The following DGKD variants were observed in gnomAD, a reference collection of about 807,000 sequenced individuals.
DGKD encodes the protein diacylglycerol kinase delta, also known as DAG kinase delta.
DGKD carries 68 observed loss-of-function variants against 154.4 expected under a neutral mutation model. That is an observed-to-expected ratio of 0.44 (90% confidence interval 0.36 to 0.54). The LOEUF is 0.54. DGKD is among the 20% of genes least tolerant of loss of function. DGKD has a pLI of 0.00. For missense variants in DGKD, 1,343 were observed against 1,593.6 expected (o/e 0.84, Z 2.68); for synonymous variants, 693 against 638.0 (o/e 1.09, Z -1.30).
At chr2:233,388,228 A>G in intron 1 of DGKD, 29 bp from the exon 2 acceptor site, 5 of 1,598,708 alleles carry the variant, frequency 3.1e-6, no homozygotes, top group Non-Finnish European at 4.3e-6. Flanking sequence ...TGAAAACGCA[A>G]GTTTATGAAT....
chr2:233,467,116 C>A lies in DGKD; in HGVS notation c.3337C>A (p.Arg1113Ser). ...GATGCTGGATCTTGCCAAGCGCAGT[C>A]GCAGTGGTAAATTCCGCCTCGTGAC... ...SVMLDLAKRS[R>S]SGKFRLVTKF... The change falls in exon 28 of 30, where the codon CGC (arginine) becomes AGC (serine). Residue 1113 changes from arginine to serine, a missense_variant. Arg to Ser is a moderately radical substitution (Grantham distance 110). Around this residue, in one of 6 missense-constraint regions of DGKD, gnomAD observed 429 missense variants for 496.3 expected, o/e 0.86. Coordinates refer to ENST00000264057, the MANE Select transcript of DGKD (RefSeq NM_152879.3). The A allele has an allele frequency of 1.2e-6, 2 of 1,614,122 alleles. No individual in the cohort carries two copies. Among genetic ancestry groups the A allele is most frequent in the Non-Finnish European group, 1.7e-6 (2 of 1,179,966 alleles).
chr2:233,362,366 T>C (rs565317000), intron 1 of DGKD, among the ~76,000 whole-genome samples: 5 of 152,242 alleles, frequency 3.3e-5, no homozygotes, highest in African/African-American at 9.6e-5. Context: ...GAAAAGATAA[T>C]GTGGCCAGGT....
Position 233,449,173 on chromosome 2 carries a change from C to G in DGKD, c.1685C>G (p.Ser562Cys). The G allele has an allele frequency of 1.2e-6, 2 of 1,613,696 alleles. No individual in the cohort carries two copies. The highest frequency in any genetic ancestry group is 1.7e-6 in the Non-Finnish European group (2 of 1,179,886). Residue 562 changes from serine to cysteine, a missense_variant, in exon 15 of 30, where the codon TCT (serine) becomes TGT (cysteine). By Grantham distance (112) the Ser-to-Cys change is moderately radical. This residue lies in a region of DGKD where 409 missense variants were observed against 446.0 expected (regional missense o/e 0.92). Coordinates refer to ENST00000264057, the MANE Select transcript of DGKD (RefSeq NM_152879.3). The surrounding 1 kb of genome is among the most constrained non-coding windows in gnomAD (Gnocchi z 5.3). ...TLDDESQASSSLPNPPPTIAE... is the reference protein window; with the variant it reads ...TLDDESQASSCLPNPPPTIAE... The stretch of plus-strand genomic sequence containing the variant: ...GACGATGAGTCCCAGGCCTCGTCCT[C>G]TCTGCCCAACCCGCCCCCCACCATT...
intron 3 of DGKD, among the ~76,000 whole-genome samples, chr2:233,405,189 G>A (rs937617251): frequency 6.6e-6 from 1 of 152,234 alleles, no homozygotes; most frequent in Non-Finnish European, 1.5e-5. Flanking sequence ...GGAAACTGAA[G>A]CGCCAGTGCA....
At chr2:233,420,385 T>C (rs2062076622) in intron 3 of DGKD, among the ~76,000 whole-genome samples, 1 of 152,248 alleles carries the variant, frequency 6.6e-6, no homozygotes, top group South Asian at 2.1e-4. Context: ...TGAACCCAGC[T>C]ATGACTGCTT....
chr2:233,402,179 T>C (rs10190365), intron 3 of DGKD, among the ~76,000 whole-genome samples: 2,241 of 152,276 alleles, frequency 0.015, 54 homozygotes, highest in African/African-American at 0.051. Context: ...CCTGTTTACA[T>C]GGTGCTCAGG....
intron 3 of DGKD, among the ~76,000 whole-genome samples, chr2:233,422,879 C>T (rs1350485865): frequency 6.6e-6 from 1 of 152,216 alleles, no homozygotes; most frequent in African/African-American, 2.4e-5. Flanking sequence ...TGGGTAGCCT[C>T]CAAGCCGCAG....
At chr2:233,386,665 GGA>G (rs1303464985) in intron 1 of DGKD, among the ~76,000 whole-genome samples, 1 of 152,150 alleles carries the variant, frequency 6.6e-6, no homozygotes, top group Admixed American at 6.5e-5. Context: ...TAATTACTGG[GGA>G]GAGGGTGGGT....
chr2:233,450,399 C>T (rs776900891), intron 16 of DGKD, among the ~76,000 whole-genome samples: 41 of 152,242 alleles, frequency 2.7e-4, no homozygotes, highest in Non-Finnish European at 5.3e-4. Context: ...GGAGCACTTG[C>T]GTCCTGCCCT....
At chr2:233,426,115 G>A (rs529951465) in intron 3 of DGKD, among the ~76,000 whole-genome samples, 1 of 152,258 alleles carries the variant, frequency 6.6e-6, no homozygotes, top group East Asian at 1.9e-4. Flanking sequence ...ATAAGACAGC[G>A]TTTTTTCATA....
chr2:233,444,666 G>C (rs1280160127), intron 10 of DGKD, among the ~76,000 whole-genome samples: 1 of 146,176 alleles, frequency 6.8e-6, no homozygotes, highest in East Asian at 2.0e-4. Flanking sequence ...TGTCGGCTCC[G>C]GTGTCCTGGC....
intron 12 of DGKD, chr2:233,447,838 T>C (rs1217037339): frequency 1.2e-5 from 16 of 1,321,980 alleles, no homozygotes; most frequent in Non-Finnish European, 1.6e-5. Flanking sequence ...GATCGCAGAC[T>C]GAAGGAGATT....
At chr2:233,399,183 T>C (rs911606261) in intron 3 of DGKD, among the ~76,000 whole-genome samples, 6 of 152,242 alleles carry the variant, frequency 3.9e-5, no homozygotes, top group Admixed American at 1.3e-4. Context: ...CCTACCTGTA[T>C]TCCATTTGGT....
At chr2:233,390,944 G>A (rs765042083) in intron 3 of DGKD, among the ~76,000 whole-genome samples, 9 of 152,272 alleles carry the variant, frequency 5.9e-5, no homozygotes, top group Middle Eastern at 3.4e-3. Context: ...TGTTGGTCAG[G>A]GTGGTCTCGA....
intron 27 of DGKD, among the ~76,000 whole-genome samples, chr2:233,466,033 A>G (rs150289645): frequency 2.2e-4 from 33 of 152,316 alleles, no homozygotes; most frequent in Non-Finnish European, 8.8e-5. Context: ...TATGACAGTT[A>G]TAATAGTCAC....
In DGKD at chr2:233,438,427, T is replaced by C. The variant is rs2062770385; in HGVS notation, c.1085+48T>C. 1.3e-6 allele frequency: 2 copies of C among 1,553,112 alleles called. No homozygotes were observed. Among genetic ancestry groups the C allele is most frequent in the Non-Finnish European group, 1.7e-6 (2 of 1,148,096 alleles). ...CTTTCTTGGAGTTTTAAAAATTGTG[T>C]AGATAGTGTGTGCTTGTTAAAAAAA... On this transcript the variant is annotated intron_variant, in intron 9 of 29. Coordinates refer to ENST00000264057, the MANE Select transcript of DGKD (RefSeq NM_152879.3). The surrounding 1 kb of genome is among the most constrained non-coding windows in gnomAD (Gnocchi z 4.1).
chr2:233,361,825 C>T (rs1701795219), intron 1 of DGKD, among the ~76,000 whole-genome samples: 1 of 152,068 alleles, frequency 6.6e-6, no homozygotes, highest in Admixed American at 6.6e-5. Flanking sequence ...GACGGAGTCT[C>T]ACTCTTGTCA....
chr2:233,460,322 G>A lies in DGKD; in HGVS notation c.2958G>A (p.Gln986=), dbSNP rs1442512745. 2 of 1,614,056 alleles carry A rather than the reference G, an allele frequency of 1.2e-6. No individual in the cohort carries two copies. Among genetic ancestry groups the A allele is most frequent in the Non-Finnish European group, 8.5e-7 (1 of 1,179,994 alleles). Residue 986 remains glutamine, a synonymous_variant, in exon 24 of 30, where the codon CAG becomes CAA. Transcript: ENST00000264057. Reference sequence around the variant, plus strand: ...CCACCCAGATGGACCAGTTTGGGCAGGCAGCAGGGGTCCTCATTCACAGGT... The same window carrying A: ...CCACCCAGATGGACCAGTTTGGGCAAGCAGCAGGGGTCCTCATTCACAGGT... ...EEATQMDQFG[Q]AAGVLIHSIR...
At chr2:233,373,841 TA>T (rs11313560) in intron 1 of DGKD, among the ~76,000 whole-genome samples, 112,846 of 152,002 alleles carry the variant, frequency 0.74, 42,628 homozygotes, top group African/African-American at 0.88. Flanking sequence ...GTTCTTTAGA[TA>T]ATGTTCATAA....
Sources: gnomAD v4.1 joint callset for allele counts (sites outside exome capture counted in the v4.1 genomes callset) on GRCh38, gnomAD v4.1.1 for gene constraint, gnomAD v4.1.1 regional missense constraint, Gnocchi (gnomAD v3.1) non-coding constraint, MANE v1.5 for transcripts, NCBI Gene and HGNC (gene_info 2026-07-23, HGNC 2026-07-21) for gene names.